PTGER3: variants seen among roughly 807,000 people sequenced by gnomAD.
PTGER3 encodes the protein prostaglandin E2 receptor EP3 subtype.
Under a neutral mutation model 34.7 loss-of-function variants are expected in PTGER3, and 22 were observed. The observed-to-expected ratio is 0.63, with a 90% confidence interval of 0.45 to 0.91. The LOEUF (loss-of-function observed/expected upper bound fraction) is 0.91. Ranked by LOEUF, PTGER3 falls within the 40% of genes least tolerant of loss-of-function variation. PTGER3 has a pLI of 0.00. For synonymous variants in PTGER3, 241 were observed against 230.1 expected (o/e 1.05, Z -0.43); for missense variants, 468 against 519.4 (o/e 0.90, Z 0.96).
chr1:71,015,754 A>C (rs1316315426), intron 1 of PTGER3, among the ~76,000 whole-genome samples: 2 of 152,236 alleles, frequency 1.3e-5, no homozygotes, highest in African/African-American at 4.8e-5. Context: ...TTAAGCAGAC[A>C]GACAAGAGAG....
chr1:70,948,303 G>C (rs1650411868), downstream of PTGER3, among the ~76,000 whole-genome samples: 2 of 152,072 alleles, frequency 1.3e-5, no homozygotes, highest in African/African-American at 4.8e-5. Context: ...GAGGTCTCAT[G>C]AGATCTGATG....
intron 4 of PTGER3, among the ~76,000 whole-genome samples, chr1:70,921,286 G>A (rs768933053): frequency 6.6e-6 from 1 of 152,132 alleles, no homozygotes; most frequent in Non-Finnish European, 1.5e-5. Flanking sequence ...AAACCGACAA[G>A]TGGCCGCCCG....
chr1:70,860,094 C>T (rs1645895471), intron 4 of PTGER3, among the ~76,000 whole-genome samples: 1 of 151,928 alleles, frequency 6.6e-6, no homozygotes. Flanking sequence ...TGGTAATGTC[C>T]TCGTTATTTG....
intron 4 of PTGER3, chr1:70,865,928 A>G: frequency 1.5e-6 from 1 of 682,544 alleles, no homozygotes; most frequent in Non-Finnish European, 2.2e-6. Context: ...CCTTTCCTGG[A>G]CTGTCATCCG....
downstream of PTGER3, among the ~76,000 whole-genome samples, chr1:70,949,180 A>G (rs650194): frequency 0.6 from 91,334 of 151,834 alleles, 28,584 homozygotes; most frequent in East Asian, 0.71. Flanking sequence ...AAACAATAGG[A>G]ACAATCTAAG....
At chr1:70,979,931 A>G in intron 2 of PTGER3, among the ~76,000 whole-genome samples, 1 of 152,162 alleles carries the variant, frequency 6.6e-6, no homozygotes, top group Non-Finnish European at 1.5e-5. Flanking sequence ...TACAACATCA[A>G]AATATATTCT....
At chr1:71,013,688 G>T (rs1361573233) in intron 1 of PTGER3, among the ~76,000 whole-genome samples, 3 of 146,966 alleles carry the variant, frequency 2.0e-5, no homozygotes, top group Non-Finnish European at 4.5e-5. Flanking sequence ...GGCAACAAGA[G>T]CAAAACTCTG....
chr1:70,852,974 A>G, intron 4 of PTGER3: 1 of 1,204,006 alleles, frequency 8.3e-7, no homozygotes, highest in Non-Finnish European at 1.2e-6. Context: ...CAGGAATGGT[A>G]AATCACTTAC....
chr1:71,020,077 T>C (rs1050415257), intron 1 of PTGER3, among the ~76,000 whole-genome samples: 1 of 152,192 alleles, frequency 6.6e-6, no homozygotes, highest in Non-Finnish European at 1.5e-5. Flanking sequence ...ACTAGTTAAT[T>C]ATGTAATTTG....
At chr1:71,022,990 C>T (rs4439319) in intron 1 of PTGER3, among the ~76,000 whole-genome samples, 51,377 of 151,628 alleles carry the variant, frequency 0.34, 9,416 homozygotes, top group South Asian at 0.45. Context: ...TGGCAGTTTC[C>T]CAGTCACATT....
chr1:70,890,034 C>A (rs1646582742), intron 4 of PTGER3, among the ~76,000 whole-genome samples: 1 of 152,170 alleles, frequency 6.6e-6, no homozygotes, highest in Admixed American at 6.5e-5. Context: ...TCAGAAACTT[C>A]ATTTGGCATT....
intron 4 of PTGER3, among the ~76,000 whole-genome samples, chr1:70,896,703 CA>C (rs1380510105): frequency 2.0e-5 from 3 of 152,264 alleles, no homozygotes; most frequent in Middle Eastern, 6.8e-3. Context: ...AAACCCTTAT[CA>C]GGGGTGGCTG....
At chr1:71,023,194 C>A (rs1034517313) in intron 1 of PTGER3, among the ~76,000 whole-genome samples, 1 of 151,876 alleles carries the variant, frequency 6.6e-6, no homozygotes, top group Non-Finnish European at 1.5e-5. Context: ...CAAGGCTGTT[C>A]CCAAGGCCAC....
chr1:71,031,298 G>A (rs1358387755), intron 1 of PTGER3, among the ~76,000 whole-genome samples: 1 of 150,254 alleles, frequency 6.7e-6, no homozygotes, highest in African/African-American at 2.5e-5. Flanking sequence ...GTGCACACAC[G>A]CACATGTGCA....
intron 4 of PTGER3, among the ~76,000 whole-genome samples, chr1:70,933,655 A>G (rs1648937517): frequency 6.6e-6 from 1 of 152,066 alleles, no homozygotes; most frequent in Admixed American, 6.6e-5. Flanking sequence ...GAAGCAGAAG[A>G]CCCTTTTCTT....
intron 4 of PTGER3, among the ~76,000 whole-genome samples, chr1:70,894,309 CA>C (rs35974984): frequency 0.21 from 9,565 of 46,610 alleles, 392 homozygotes; most frequent in Middle Eastern, 0.28. Flanking sequence ...AACTCCATCT[CA>C]AAAAAAAAAA....
chr1:70,873,265 A>G (rs936094401), intron 4 of PTGER3, among the ~76,000 whole-genome samples: 3 of 152,202 alleles, frequency 2.0e-5, no homozygotes, highest in African/African-American at 7.2e-5. Flanking sequence ...TAGGTTTACC[A>G]GGTATAGTTT....
At chr1:71,018,643 A>T (rs1658129615) in intron 1 of PTGER3, among the ~76,000 whole-genome samples, 1 of 152,158 alleles carries the variant, frequency 6.6e-6, no homozygotes, top group African/African-American at 2.4e-5. Context: ...TATTTTCTCT[A>T]TAAAATAAAG....
At chr1:70,981,307 CCTTCCTTCCTTTCTTCTTT>C (rs1654246108) in intron 2 of PTGER3, among the ~76,000 whole-genome samples, 2 of 140,106 alleles carry the variant, frequency 1.4e-5, no homozygotes, top group African/African-American at 2.7e-5. Context: ...TTCCTTCCTT[CCTTCCTTCCTTTCTTCTTT>C]CTTTCTTTCT....
Sources: allele counts gnomAD v4.1 joint callset (sites outside exome capture counted in the v4.1 genomes callset), GRCh38; gene constraint gnomAD v4.1.1; transcripts MANE v1.5; gene names NCBI Gene and HGNC (gene_info 2026-07-23, HGNC 2026-07-21).